CCDC152: variants seen among roughly 807,000 people sequenced by gnomAD.
CCDC152 encodes coiled-coil domain containing 152, also known as coiled-coil domain-containing protein 152.
In CCDC152, 37 loss-of-function variants were observed where a neutral mutation model predicts 38.1. That is an observed-to-expected ratio of 0.97 (90% confidence interval 0.75 to 1.28). The LOEUF (loss-of-function observed/expected upper bound fraction) is 1.28. CCDC152 is among the 50% of genes most tolerant of loss of function. The pLI is 0.00. For missense variants in CCDC152, 259 were observed against 292.1 expected, an observed-to-expected ratio of 0.89 and a Z score of 0.83; for synonymous variants, 83 against 87.1, an observed-to-expected ratio of 0.95 and a Z score of 0.26.
chr5:42,769,155 A>G (rs1452342810), intron 3 of CCDC152, among the ~76,000 whole-genome samples: 1 of 152,024 alleles, frequency 6.6e-6, no homozygotes, highest in Non-Finnish European at 1.5e-5. Flanking sequence ...AGGCTGAGGC[A>G]GGAGAATTAC....
intron 4 of CCDC152, among the ~76,000 whole-genome samples, chr5:42,778,001 G>A: frequency 6.6e-6 from 1 of 152,146 alleles, no homozygotes; most frequent in East Asian, 1.9e-4. Context: ...CTTCCTAAAA[G>A]CATTATTCAG....
chr5:42,772,722 C>T (rs1381488114), intron 4 of CCDC152, among the ~76,000 whole-genome samples: 1 of 151,714 alleles, frequency 6.6e-6, no homozygotes, highest in African/African-American at 2.4e-5. Context: ...AATGATGACT[C>T]ATTGAGTTCA....
intron 3 of CCDC152, among the ~76,000 whole-genome samples, chr5:42,767,240 A>G (rs1172990766): frequency 6.6e-6 from 1 of 152,132 alleles, no homozygotes; most frequent in African/African-American, 2.4e-5. Flanking sequence ...AAAGAATGAT[A>G]TATGGACATT....
chr5:42,758,384 T>A (rs1046351603), intron 1 of CCDC152, among the ~76,000 whole-genome samples: 2 of 152,228 alleles, frequency 1.3e-5, no homozygotes, highest in African/African-American at 4.8e-5. Flanking sequence ...TTGGTTCATG[T>A]TTTTTCCTCA....
At chr5:42,762,586 G>A (rs1449856918) in intron 3 of CCDC152, 38 bp downstream of exon 3, 1 of 1,093,576 alleles carries the variant, frequency 9.1e-7, no homozygotes. Flanking sequence ...TAATTCTAAT[G>A]AAAGTGTTTT....
In CCDC152 at chr5:42,781,312, T is replaced by G. The variant is rs146770660; in HGVS notation, c.327+1790T>G. On this transcript the variant is annotated intron_variant, in intron 5 of 8. Transcript: ENST00000361970. ...GCTGGGTTCACCTGCCCAGTTTTAA[T>G]TAGAACCGAGAAGTTGAATAGCTTT... 1.9e-3 allele frequency among the ~76,000 whole-genome samples: 290 copies of G among 152,234 alleles called. 1 individual carries two copies. The highest frequency in any genetic ancestry group is 0.017 in the Middle Eastern group (5 of 294).
chr5:42,781,551 G>A lies in CCDC152; in HGVS notation c.328-1923G>A, dbSNP rs973808287. Among the ~76,000 whole-genome samples the A allele has an allele frequency of 1.6e-3, 236 of 147,596 alleles. 1 individual carries two copies. Among genetic ancestry groups the A allele is most frequent in the African/African-American group, 3.7e-3 (147 of 39,998 alleles). ...AATCCTCACTGAGAAAAATGCGCGC[G>A]CGCGCACACACACACACACACACAC... On this transcript the variant is annotated intron_variant, in intron 5 of 8. Coordinates refer to ENST00000361970, the MANE Select transcript of CCDC152 (RefSeq NM_001134848.2).
intron 5 of CCDC152, among the ~76,000 whole-genome samples, chr5:42,782,509 G>A (rs142015011): frequency 6.6e-6 from 1 of 152,284 alleles, no homozygotes; most frequent in Non-Finnish European, 1.5e-5. Context: ...GAGTAGAGTG[G>A]TGGTTAGGCT....
Position 42,801,489 on chromosome 5 carries a change from C to A in CCDC152, c.*1708C>A. On this transcript the variant is annotated 3_prime_UTR_variant, in exon 9 of 9. Transcript: ENST00000361970. ...ATGAGAAAGAGTCTGATGTTAGTCT[C>A]AACACCTAGACATTTTATTAAAGGC... is the stretch of plus-strand genomic sequence containing the variant. 1 of 570,204 alleles carries A rather than the reference C, an allele frequency of 1.8e-6. No individual in the cohort carries two copies. The highest frequency in any genetic ancestry group is 2.8e-5 in the South Asian group (1 of 36,022). The allele number at this position is 570,204 out of a possible 1,614,324, so 35.3% of individuals were successfully genotyped here. A position where few individuals can be genotyped will look rare whatever the true frequency, so the allele number is the denominator to read the frequency against.
intron 5 of CCDC152, among the ~76,000 whole-genome samples, chr5:42,782,206 C>G (rs1237576833): frequency 6.6e-6 from 1 of 152,182 alleles, no homozygotes; most frequent in Non-Finnish European, 1.5e-5. Context: ...TTTTTGGAAA[C>G]AGAAGTTCAG....
In CCDC152 at chr5:42,796,847, A is replaced by G; in HGVS notation, c.449A>G (p.Lys150Arg). The G allele has an allele frequency of 6.8e-7, 1 of 1,476,920 alleles. No homozygotes were observed. The highest frequency in any genetic ancestry group is 9.0e-7 in the Non-Finnish European group (1 of 1,115,816). 91.5% of individuals were successfully genotyped at this position (1,476,920 alleles called of 1,614,324 possible). Residue 150 changes from lysine (K) to arginine (R), a missense_variant, in exon 7 of 9, where the codon AAG becomes AGG. Coordinates refer to ENST00000361970, the MANE Select transcript of CCDC152 (RefSeq NM_001134848.2). ...MQRKVELNEEKHKELIEKKEM... is the reference protein window; with the variant it reads ...MQRKVELNEERHKELIEKKEM... ...TATTCAGTTGAATTAAATGAAGAAA[A>G]GCACAAAGAACTAATAGAGAAAAAG...
Position 42,783,338 on chromosome 5 carries a change from T to C in CCDC152, c.328-136T>C, listed in dbSNP as rs193059953. Reference sequence around the variant, plus strand: ...ATTTATATTACATTTATAGTAACTTTTAAAAAAGTAACATAAATGGAGAAT... The same window carrying C: ...ATTTATATTACATTTATAGTAACTTCTAAAAAAGTAACATAAATGGAGAAT... On this transcript the variant is annotated intron_variant, in intron 5 of 8. Coordinates refer to ENST00000361970, the MANE Select transcript of CCDC152 (RefSeq NM_001134848.2). 1.6e-3 allele frequency: 450 copies of C among 278,106 alleles called. 5 individuals are homozygous for C. The highest frequency in any genetic ancestry group is 9.5e-3 in the African/African-American group (420 of 44,202). 17.2% of individuals were successfully genotyped at this position (278,106 alleles called of 1,614,324 possible). A position where few individuals can be genotyped will look rare whatever the true frequency, so the allele number is the denominator to read the frequency against.
intron 6 of CCDC152, among the ~76,000 whole-genome samples, chr5:42,795,243 T>G (rs2111598423): frequency 6.6e-6 from 1 of 152,302 alleles, no homozygotes; most frequent in East Asian, 1.9e-4. Flanking sequence ...AACATGAAGC[T>G]GGCATAGCTA....
At position 42,762,508 on chromosome 5, in the gene CCDC152, A is replaced by G. The variant is rs147393952; in HGVS notation, c.153A>G (p.Leu51=). The G allele has an allele frequency of 1.1e-4, 163 of 1,541,160 alleles. No homozygotes were observed. The African/African-American group carries it at 2.0e-3, about 19-fold the overall frequency. The change falls in exon 3 of 9, where the codon CTA becomes CTG. Residue 51 remains leucine, a synonymous_variant. Transcript: ENST00000361970. ...TTCAGTTGGAAAAAAGTAATTGCCT[A>G]TTAAAAGTAATGCAAGCAAAGGAGG... ...LDIQLEKSNC[L]LKVMQAKEVS...
intron 6 of CCDC152, among the ~76,000 whole-genome samples, chr5:42,785,808 C>A (rs1247879273): frequency 1.3e-5 from 2 of 151,880 alleles, no homozygotes; most frequent in Non-Finnish European, 2.9e-5. Flanking sequence ...TCCTTCAATG[C>A]CTATTTTTTA....
At chr5:42,798,203 A>G (rs1318101737) in intron 7 of CCDC152, among the ~76,000 whole-genome samples, 1 of 152,168 alleles carries the variant, frequency 6.6e-6, no homozygotes, top group African/African-American at 2.4e-5. Flanking sequence ...ACAATCTCAA[A>G]TGTACTTTGA....
chr5:42,779,810 A>G (rs1184756814), intron 5 of CCDC152, among the ~76,000 whole-genome samples: 3 of 152,116 alleles, frequency 2.0e-5, no homozygotes, highest in African/African-American at 7.2e-5. Flanking sequence ...TTTGCTACAT[A>G]ATTTTCAATT....
chr5:42,785,914 A>G (rs181746054), intron 6 of CCDC152, among the ~76,000 whole-genome samples: 9 of 152,178 alleles, frequency 5.9e-5, no homozygotes, highest in African/African-American at 1.9e-4. Context: ...CTGTTTGTGT[A>G]GCGAATCACA....
chr5:42,785,304 G>A (rs1341587798), intron 6 of CCDC152, among the ~76,000 whole-genome samples: 1 of 152,006 alleles, frequency 6.6e-6, no homozygotes, highest in Non-Finnish European at 1.5e-5. Context: ...CCTTGTAGAG[G>A]TTTTTCATCT....
Sources: allele counts gnomAD v4.1 joint callset (sites outside exome capture counted in the v4.1 genomes callset), GRCh38; gene constraint gnomAD v4.1.1; transcripts MANE v1.5; gene names NCBI Gene and HGNC (gene_info 2026-07-23, HGNC 2026-07-21).